WDPCP: variants seen among roughly 807,000 people sequenced by gnomAD.
WDPCP encodes the protein WD repeat containing planar cell polarity effector.
Under a neutral mutation model 93.1 loss-of-function variants are expected in WDPCP, and 71 were observed. That is an observed-to-expected ratio of 0.76 (90% CI 0.63 to 0.93). The LOEUF (loss-of-function observed/expected upper bound fraction) is 0.93. Ranked by LOEUF, WDPCP falls within the 40% of genes least tolerant of loss-of-function variation. The pLI is 0.00. For synonymous variants in WDPCP, 315 were observed against 315.0 expected, an observed-to-expected ratio of 1.00 and a Z score of 0.00; for missense variants, 844 against 887.4, an observed-to-expected ratio of 0.95 and a Z score of 0.62.
At chr2:63,219,870 G>A (rs1468220089) in intron 14 of WDPCP, among the ~76,000 whole-genome samples, 1 of 151,988 alleles carries the variant, frequency 6.6e-6, no homozygotes, top group African/African-American at 2.4e-5. Flanking sequence ...GGGGGTGGTG[G>A]CAGCACCTAT....
At chr2:63,656,457 C>T (rs190321592) in intron 2 of WDPCP, among the ~76,000 whole-genome samples, 46 of 152,318 alleles carry the variant, frequency 3.0e-4, no homozygotes, top group Admixed American at 2.2e-3. Flanking sequence ...GGGCTACAGG[C>T]GGGCTGAGAG....
chr2:63,644,694 T>C (rs542857459), intron 3 of WDPCP, among the ~76,000 whole-genome samples: 3 of 152,358 alleles, frequency 2.0e-5, no homozygotes, highest in South Asian at 2.1e-4. Flanking sequence ...TCACCTGTTA[T>C]TGGTCTGTTT....
At chr2:63,388,971 C>A (rs1692981708) in intron 10 of WDPCP, among the ~76,000 whole-genome samples, 1 of 152,146 alleles carries the variant, frequency 6.6e-6, no homozygotes, top group Non-Finnish European at 1.5e-5. Flanking sequence ...TTGGAAAACA[C>A]TCTTCAGGAT....
At chr2:63,491,481 T>A (rs758574643) in intron 2 of WDPCP, among the ~76,000 whole-genome samples, 1 of 152,204 alleles carries the variant, frequency 6.6e-6, no homozygotes, top group Non-Finnish European at 1.5e-5. Flanking sequence ...CTTTCTCGGG[T>A]CTTGCAGTCA....
At chr2:63,274,666 T>C (rs1448317321) in intron 13 of WDPCP, among the ~76,000 whole-genome samples, 1 of 152,100 alleles carries the variant, frequency 6.6e-6, no homozygotes, top group Non-Finnish European at 1.5e-5. Flanking sequence ...ATCTGAGACT[T>C]TTATGAACAA....
chr2:63,692,395 A>G (rs1187872270), intron 2 of WDPCP, among the ~76,000 whole-genome samples: 1 of 152,204 alleles, frequency 6.6e-6, no homozygotes, highest in East Asian at 1.9e-4. Context: ...TGTTTTGGTA[A>G]AATTTTAGAA....
chr2:63,804,256 T>TC (rs1052176709), intron 2 of WDPCP, among the ~76,000 whole-genome samples: 2 of 151,612 alleles, frequency 1.3e-5, no homozygotes, highest in East Asian at 1.9e-4. Flanking sequence ...TACTCCTTTT[T>TC]TTTTTTTTTT....
At chr2:63,806,173 T>G (rs1156905771) in intron 2 of WDPCP, among the ~76,000 whole-genome samples, 4 of 152,146 alleles carry the variant, frequency 2.6e-5, no homozygotes, top group Non-Finnish European at 5.9e-5. Flanking sequence ...TGCCCTGATA[T>G]TCACGTAGGT....
chr2:63,243,572 A>G (rs1680032511), intron 14 of WDPCP, among the ~76,000 whole-genome samples: 1 of 152,144 alleles, frequency 6.6e-6, no homozygotes, highest in Admixed American at 6.6e-5. Flanking sequence ...AGATCATAGA[A>G]AACAGACTTT....
intron 1 of WDPCP, among the ~76,000 whole-genome samples, chr2:63,559,606 A>G (rs760230555): frequency 4.6e-5 from 7 of 152,236 alleles, no homozygotes; most frequent in Non-Finnish European, 1.0e-4. Flanking sequence ...TGCAAAAATC[A>G]CAACCATTCC....
At chr2:63,823,017 T>A (rs1671046414) in intron 1 of WDPCP, among the ~76,000 whole-genome samples, 1 of 151,590 alleles carries the variant, frequency 6.6e-6, no homozygotes, top group African/African-American at 2.4e-5. Flanking sequence ...AAATAACTCA[T>A]CAGAAAAACT....
At chr2:63,420,751 G>T (rs1042605321) in intron 9 of WDPCP, among the ~76,000 whole-genome samples, 2 of 152,108 alleles carry the variant, frequency 1.3e-5, no homozygotes, top group African/African-American at 4.8e-5. Context: ...TTGTCATACT[G>T]TAATTTTTTT....
intron 12 of WDPCP, among the ~76,000 whole-genome samples, chr2:63,372,983 C>T (rs927619717): frequency 3.9e-5 from 6 of 151,986 alleles, no homozygotes; most frequent in Non-Finnish European, 7.4e-5. Context: ...ATTAGCCGGG[C>T]ATGGTGGCGC....
chr2:63,246,469 G>A (rs1044329778), intron 14 of WDPCP, among the ~76,000 whole-genome samples: 1 of 152,160 alleles, frequency 6.6e-6, no homozygotes, highest in Non-Finnish European at 1.5e-5. Flanking sequence ...ATTCAGCCAT[G>A]TGACCAGGGT....
intron 10 of WDPCP, among the ~76,000 whole-genome samples, chr2:63,388,523 G>A (rs990747141): frequency 6.6e-6 from 1 of 152,190 alleles, no homozygotes; most frequent in African/African-American, 2.4e-5. Context: ...CGCCAGAAGT[G>A]GAACAAAGCT....
intron 14 of WDPCP, among the ~76,000 whole-genome samples, chr2:63,177,701 G>T (rs983872324): frequency 6.6e-6 from 1 of 151,818 alleles, no homozygotes; most frequent in Non-Finnish European, 1.5e-5. Context: ...TCTGATTTTG[G>T]TGCCTTTTAT....
chr2:63,780,522 T>C (rs140213279), intron 2 of WDPCP, among the ~76,000 whole-genome samples: 204 of 152,256 alleles, frequency 1.3e-3, no homozygotes, highest in African/African-American at 4.6e-3. Context: ...TATAGAGAAG[T>C]AGGTATTTTT....
At chr2:63,655,041 C>G (rs1710150608) in intron 2 of WDPCP, among the ~76,000 whole-genome samples, 1 of 152,174 alleles carries the variant, frequency 6.6e-6, no homozygotes, top group African/African-American at 2.4e-5. Context: ...TAGAGAATCA[C>G]TCACAGACTT....
At chr2:63,720,820 AG>A (rs1300739681) in intron 2 of WDPCP, among the ~76,000 whole-genome samples, 1 of 152,234 alleles carries the variant, frequency 6.6e-6, no homozygotes, top group African/African-American at 2.4e-5. Flanking sequence ...CATCAGAACA[AG>A]GAACTAAATA....
Sources: gnomAD v4.1 joint callset for allele counts (sites outside exome capture counted in the v4.1 genomes callset) on GRCh38, gnomAD v4.1.1 for gene constraint, MANE v1.5 for transcripts, NCBI Gene and HGNC (gene_info 2026-07-23, HGNC 2026-07-21) for gene names.